SRCIN1: variants seen among roughly 807,000 people sequenced by gnomAD.
SRCIN1 encodes SRC kinase signaling inhibitor 1.
Under a neutral mutation model 116.2 loss-of-function variants are expected in SRCIN1, and 50 were observed. The observed-to-expected ratio is 0.43, with a 90% CI of 0.34 to 0.54. SRCIN1 has a LOEUF of 0.54. Ranked by LOEUF, SRCIN1 falls within the 20% of genes least tolerant of loss-of-function variation. The pLI, the probability that SRCIN1 is intolerant of heterozygous loss-of-function variation, is 0.02. For missense variants in SRCIN1, 1,446 were observed against 1,672.0 expected (o/e 0.86, Z 2.36); for synonymous variants, 736 against 750.0 (o/e 0.98, Z 0.30).
chr17:38,605,768 C>G lies in SRCIN1; in HGVS notation c.-63G>C. On this transcript the variant is annotated 5_prime_UTR_variant, in exon 1 of 19. Transcript: ENST00000617146. ...CTGCCTGGCGCTCGCCCTCTCGCCG[C>G]CTCGCGGGCTCCTCGCTCGGCCCCA... The G allele has an allele frequency of 1.2e-6, 1 of 825,518 alleles. No homozygotes were observed. Among genetic ancestry groups the G allele is most frequent in the Non-Finnish European group, 1.5e-6 (1 of 660,370 alleles). 51.1% of individuals were successfully genotyped at this position (825,518 alleles called of 1,614,324 possible).
chr17:38,605,508 G>T (rs980755892), intron 1 of SRCIN1, among the ~76,000 whole-genome samples, 176 bp downstream of exon 1: 3 of 149,818 alleles, frequency 2.0e-5, no homozygotes, highest in Non-Finnish European at 4.5e-5. Context: ...CCGGCGCACA[G>T]CGGTCCCCTG....
At position 38,548,697 on chromosome 17, in the gene SRCIN1, C is replaced by T. The variant is rs538606834; in HGVS notation, c.3130G>A (p.Glu1044Lys). Residue 1044 changes from glutamate (E) to lysine (K), a missense_variant, in exon 17 of 19, where the codon GAG (glutamate) becomes AAG (lysine). This residue lies in a region of SRCIN1 where 531 missense variants were observed against 633.9 expected (regional missense o/e 0.84). Transcript: ENST00000617146. ...TGGGGCTTCTGCACCTCCAGCTCCT[C>T]GGACTCAGCCTTCTGCAAGGCCCGG... ...DSAFIKKAES[E>K]ELEVQKPQVK... 4.9e-5 allele frequency: 78 copies of T among 1,603,062 alleles called. No homozygotes were observed. Among genetic ancestry groups the T allele is most frequent in the East Asian group, 8.9e-5 (4 of 44,818 alleles).
chr17:38,561,447 G>A lies in SRCIN1; in HGVS notation c.1700+16C>T, dbSNP rs2143180005. The A allele has an allele frequency of 6.5e-7, 1 of 1,530,952 alleles. No homozygotes were observed. The highest frequency in any genetic ancestry group is 8.7e-7 in the Non-Finnish European group (1 of 1,147,410). 94.8% of individuals were successfully genotyped at this position (1,530,952 alleles called of 1,614,324 possible). A position where few individuals can be genotyped will look rare whatever the true frequency, so the allele number is the denominator to read the frequency against. Reference sequence around the variant, plus strand: ...CCCCCACCCCCAGTCCCTGAGGCCTGGTTAACGTCCCTCACCTGGTCTCCG... The same window carrying A: ...CCCCCACCCCCAGTCCCTGAGGCCTAGTTAACGTCCCTCACCTGGTCTCCG... On this transcript the variant is annotated intron_variant, in intron 7 of 18. Transcript: ENST00000617146.
chr17:38,552,345 C>T lies in SRCIN1; in HGVS notation c.2480+102G>A, dbSNP rs1225996981. On this transcript the variant is annotated intron_variant, in intron 13 of 18. Transcript: ENST00000617146. This position sits in a 1 kb window ranked among gnomAD's most constrained non-coding sequence, Gnocchi z 5.3. ...CTGAGGTGCCAGTCCAGTCGGCACG[C>T]CAGTGACCTTTGGGGGAGTTGGGGT... The T allele has an allele frequency of 1.4e-5, 21 of 1,476,570 alleles. 1 individual carries two copies. The highest frequency in any genetic ancestry group is 1.7e-5 in the Non-Finnish European group (19 of 1,111,232). 91.5% of individuals were successfully genotyped at this position (1,476,570 alleles called of 1,614,324 possible).
At chr17:38,551,703 C>T (rs530313196) in intron 14 of SRCIN1, 183 bp downstream of exon 14, 156 of 894,406 alleles carry the variant, frequency 1.7e-4, no homozygotes, top group South Asian at 9.6e-4. Flanking sequence ...CTTTATAATA[C>T]GCTTTCTGTC....
chr17:38,562,736 GC>G lies in SRCIN1; in HGVS notation c.834+90del, dbSNP rs1409948421. On this transcript the variant is annotated intron_variant, in intron 6 of 18. Coordinates refer to ENST00000617146, the MANE Select transcript of SRCIN1 (RefSeq NM_025248.3). This position sits in a 1 kb window ranked among gnomAD's most constrained non-coding sequence, Gnocchi z 4.2. ...CCCTATGCTGTCTTCTCCAAAGCTG[GC>G]CCTGGTTCCAGATGACAACTGCCCA... 39 of 1,146,554 alleles carry G rather than the reference GC, an allele frequency of 3.4e-5. No individual in the cohort carries two copies. Among genetic ancestry groups the G allele is most frequent in the Non-Finnish European group, 4.6e-5 (36 of 789,468 alleles). The allele number at this position is 1,146,554 out of a possible 1,614,324, so 71.0% of individuals were successfully genotyped here.
chr17:38,599,285 C>T (rs890657107), intron 1 of SRCIN1, among the ~76,000 whole-genome samples: 3 of 152,130 alleles, frequency 2.0e-5, no homozygotes, highest in African/African-American at 7.2e-5. Flanking sequence ...AAGCTGACTC[C>T]AGCCCAATGC....
chr17:38,550,264 G>T lies in SRCIN1; in HGVS notation c.2962+891C>A, dbSNP rs1905297847. Among the ~76,000 whole-genome samples, 3 of 152,190 alleles carry T rather than the reference G, an allele frequency of 2.0e-5. No individual in the cohort carries two copies. In the South Asian group the frequency reaches 6.2e-4, roughly 32 times the overall value. ...AATCCCAGCACTTTGGGAGGCCAAG[G>T]TGGGCGGATCACGAGGTCAGGAGAT... On this transcript the variant is annotated intron_variant, in intron 15 of 18. Coordinates refer to ENST00000617146, the MANE Select transcript of SRCIN1 (RefSeq NM_025248.3).
chr17:38,578,922 G>A, intron 1 of SRCIN1, 131 bp from the exon 2 acceptor site: 4 of 1,086,432 alleles, frequency 3.7e-6, no homozygotes, highest in Non-Finnish European at 3.8e-6. Context: ...CCGGGGAGAG[G>A]CAGGGGCTGC....
chr17:38,531,293 G>C lies in SRCIN1; in HGVS notation c.*2004C>G, dbSNP rs1182591197. 6.6e-6 allele frequency: 1 copy of C among 151,938 alleles called. No homozygotes were observed. Among genetic ancestry groups the C allele is most frequent in the Non-Finnish European group, 1.5e-5 (1 of 67,870 alleles). 9.4% of individuals were successfully genotyped at this position (151,938 alleles called of 1,614,324 possible). On this transcript the variant is annotated 3_prime_UTR_variant, in exon 19 of 19. Transcript: ENST00000617146. ...GTCTCTGTACAGCCAAATCAAACCA[G>C]ACCATTTCACTGGGACCACAGAAGC...
At chr17:38,537,002 C>T (rs1001879233) in intron 18 of SRCIN1, among the ~76,000 whole-genome samples, 21 of 151,630 alleles carry the variant, frequency 1.4e-4, no homozygotes, top group South Asian at 4.2e-4. Flanking sequence ...CACAGTGAAA[C>T]GCCAACTCTA....
At chr17:38,575,935 T>C (rs1474029913) in intron 2 of SRCIN1, among the ~76,000 whole-genome samples, 2 of 152,090 alleles carry the variant, frequency 1.3e-5, no homozygotes, top group African/African-American at 4.8e-5. Flanking sequence ...GAACATTCCA[T>C]GGCAAGTGAA....
Position 38,551,202 on chromosome 17 carries a change from C to T in SRCIN1, c.2915G>A (p.Gly972Asp), listed in dbSNP as rs780795198. 1.9e-6 allele frequency: 3 copies of T among 1,598,188 alleles called. No homozygotes were observed. Among genetic ancestry groups the T allele is most frequent in the Non-Finnish European group, 2.6e-6 (3 of 1,171,154 alleles). The change falls in exon 15 of 19, where the codon GGC becomes GAC. Residue 972 changes from glycine to aspartate, a missense_variant. Transcript: ENST00000617146. The part of the protein sequence containing the change: ...PDHKPPKAPH[G>D]QKAAPRTEPS... ...CTCCGTTCGGGGGGCTGCCTTCTGG[C>T]CGTGGGGGGCCTTGGGGGGCTTGTG...
In SRCIN1 at chr17:38,602,790, A is replaced by AC; in HGVS notation, c.22+2893dup. On this transcript the variant is annotated intron_variant, in intron 1 of 18. Transcript: ENST00000617146. This position sits in a 1 kb window ranked among gnomAD's most constrained non-coding sequence, Gnocchi z 4.2. ...CACCCACAGGCCCCTTTGCAAGAGCACCCCCCACCACAGCTGCCTCTTCAT... is the reference window on the plus strand; with the variant it reads ...CACCCACAGGCCCCTTTGCAAGAGCACCCCCCCACCACAGCTGCCTCTTCAT... The AC allele has an allele frequency of 6.6e-6, 1 of 152,122 alleles. No homozygotes were observed. The allele number at this position is 152,122 out of a possible 1,614,324, so 9.4% of individuals were successfully genotyped here. A position where few individuals can be genotyped will look rare whatever the true frequency, so the allele number is the denominator to read the frequency against.
rs1024060628 is a variant in SRCIN1, at chr17:38,604,387, T to G, written c.22+1297A>C. ...CTCGGGGAGCCCACTTTCCTTAAAG[T>G]TGGGGTGCTGCAGGACCTCCTTGTC... is the stretch of plus-strand genomic sequence containing the variant. On this transcript the variant is annotated intron_variant, in intron 1 of 18. Transcript: ENST00000617146. This position sits in a 1 kb window ranked among gnomAD's most constrained non-coding sequence, Gnocchi z 4.3. 3 of 328,920 alleles carry G rather than the reference T, an allele frequency of 9.1e-6. No homozygotes were observed. The highest frequency in any genetic ancestry group is 1.8e-5 in the Non-Finnish European group (3 of 166,346). The allele number at this position is 328,920 out of a possible 1,614,324, so 20.4% of individuals were successfully genotyped here.
chr17:38,562,868 C>A lies in SRCIN1; in HGVS notation c.793G>T (p.Ala265Ser). The A allele has an allele frequency of 1.2e-6, 2 of 1,613,810 alleles. No homozygotes were observed. Among genetic ancestry groups the A allele is most frequent in the Non-Finnish European group, 1.7e-6 (2 of 1,179,822 alleles). ...IKIYRKEPLY[A>S]AFPGSHLTNG... The stretch of plus-strand genomic sequence containing the variant: ...GTGAGATGTGAGCCAGGGAAGGCAG[C>A]GTAGAGGGGCTCCTTTCTGTAGATC... Residue 265 changes from alanine (A) to serine (S), a missense_variant, in exon 6 of 19, where the codon GCT becomes TCT. By Grantham distance (99) the Ala-to-Ser change is moderately conservative. Around this residue, in one of 5 missense-constraint regions of SRCIN1, gnomAD observed 239 missense variants for 317.7 expected, o/e 0.75. Coordinates refer to ENST00000617146, the MANE Select transcript of SRCIN1 (RefSeq NM_025248.3). This position sits in a 1 kb window ranked among gnomAD's most constrained non-coding sequence, Gnocchi z 4.2.
chr17:38,542,472 A>G (rs919684977), intron 18 of SRCIN1: 2 of 153,012 alleles, frequency 1.3e-5, no homozygotes, highest in African/African-American at 4.8e-5. Flanking sequence ...TGTCAGTGTC[A>G]GCTGCTCTGC....
At chr17:38,592,824 G>A (rs908106408) in intron 1 of SRCIN1, among the ~76,000 whole-genome samples, 3 of 151,362 alleles carry the variant, frequency 2.0e-5, no homozygotes, top group Non-Finnish European at 4.4e-5. Flanking sequence ...GGCTTTTTTT[G>A]TTGGGGGGGT....
intron 10 of SRCIN1, 112 bp downstream of exon 10, chr17:38,559,473 G>T: frequency 4.3e-6 from 5 of 1,152,218 alleles, no homozygotes; most frequent in Non-Finnish European, 6.0e-6. Flanking sequence ...GGACTCGGGC[G>T]TGGAAGCTCT....
Sources: gnomAD v4.1 joint callset for allele counts (sites outside exome capture counted in the v4.1 genomes callset) on GRCh38, gnomAD v4.1.1 for gene constraint, gnomAD v4.1.1 regional missense constraint, Gnocchi (gnomAD v3.1) non-coding constraint, MANE v1.5 for transcripts, NCBI Gene and HGNC (gene_info 2026-07-23, HGNC 2026-07-21) for gene names.